Variants in CRYBG3 observed in about 807,000 individuals in gnomAD.
CRYBG3 encodes crystallin beta-gamma domain containing 3.
A neutral mutation model predicts 244.2 loss-of-function variants in CRYBG3; 127 were observed. That is an observed-to-expected ratio of 0.52 (90% confidence interval 0.45 to 0.60). CRYBG3 has a LOEUF of 0.60. Ranked by LOEUF, CRYBG3 falls within the 20% of genes least tolerant of loss-of-function variation. The pLI, the probability that CRYBG3 is intolerant of heterozygous loss-of-function variation, is 0.00. For synonymous variants in CRYBG3, 1,132 were observed against 1,195.8 expected (o/e 0.95, Z 1.10); for missense variants, 3,325 against 3,442.5 (o/e 0.97, Z 0.85).
chr3:97,868,564 C>T (rs569913221), intron 3 of CRYBG3, among the ~76,000 whole-genome samples: 1 of 152,190 alleles, frequency 6.6e-6, no homozygotes, highest in African/African-American at 2.4e-5. Flanking sequence ...TCCAGTGCAG[C>T]ATATTAGTTA....
Position 97,873,335 on chromosome 3 carries a change from G to C in CRYBG3, c.2141G>C (p.Arg714Thr). 2.0e-6 allele frequency: 3 copies of C among 1,535,992 alleles called. No individual in the cohort carries two copies. Among genetic ancestry groups the C allele is most frequent in the Non-Finnish European group, 2.6e-6 (3 of 1,146,832 alleles). ...AAAAACCATGTTGAGGCTGCAGGCAGGAAGAGTCCTCCTCCTTCCTTTTGC... is the reference window on the plus strand; with the variant it reads ...AAAAACCATGTTGAGGCTGCAGGCACGAAGAGTCCTCCTCCTTCCTTTTGC... The part of the protein sequence containing the change: ...NVKNHVEAAG[R>T]KSPPPSFCLE... The change falls in exon 4 of 22, where the codon AGG becomes ACG. Residue 714 changes from arginine to threonine, a missense_variant. Around this residue, in one of 4 missense-constraint regions of CRYBG3, gnomAD observed 1,526 missense variants for 1,443.2 expected, o/e 1.06. Transcript: ENST00000389622.
At chr3:97,856,413 A>G (rs1481759898) in intron 2 of CRYBG3, among the ~76,000 whole-genome samples, 1 of 152,192 alleles carries the variant, frequency 6.6e-6, no homozygotes, top group East Asian at 1.9e-4. Context: ...ATCAGCTGAC[A>G]GCATTAAGAG....
intron 17 of CRYBG3, 61 bp downstream of exon 17, chr3:97,915,797 C>A: frequency 3.2e-6 from 4 of 1,265,178 alleles, no homozygotes; most frequent in Admixed American, 2.1e-5. Flanking sequence ...TTAATTACCA[C>A]CAATGATAAT....
chr3:97,910,354 C>A (rs1256441051), intron 15 of CRYBG3, among the ~76,000 whole-genome samples: 1 of 152,232 alleles, frequency 6.6e-6, no homozygotes, highest in Non-Finnish European at 1.5e-5. Flanking sequence ...AGCCTGGCTG[C>A]CGCCTTGCAG....
chr3:97,939,133 ATTG>A (rs1275942936), intron 19 of CRYBG3, among the ~76,000 whole-genome samples: 1 of 151,944 alleles, frequency 6.6e-6, no homozygotes, highest in African/African-American at 2.4e-5. Context: ...GTCCCTGCCT[ATTG>A]TTCAAGATTG....
chr3:97,859,888 A>T (rs1291463953), intron 2 of CRYBG3, among the ~76,000 whole-genome samples: 1 of 152,158 alleles, frequency 6.6e-6, no homozygotes, highest in Non-Finnish European at 1.5e-5. Flanking sequence ...ATTAGAAATT[A>T]TATTGTTCTC....
chr3:97,864,317 C>A lies in CRYBG3; in HGVS notation c.317C>A (p.Ser106Ter). 2 of 1,535,872 alleles carry A rather than the reference C, an allele frequency of 1.3e-6. No individual in the cohort carries two copies. The highest frequency in any genetic ancestry group is 1.7e-6 in the Non-Finnish European group (2 of 1,146,758). ...GCATATGATCTTTCCAGTTCCACTT[C>A]AGATACCAAAATAGGAGAAAGTGAC... ...KKAYDLSSSTSDTKIGESDRQ... is the reference protein window; with the variant it reads ...KKAYDLSSST The change falls in exon 3 of 22, where the codon TCA becomes TAA. Residue 106 changes from serine (S) to a stop codon, truncating the protein, a stop_gained. Coordinates refer to ENST00000389622, the MANE Select transcript of CRYBG3 (RefSeq NM_153605.4). LOFTEE classifies it high-confidence loss of function.
chr3:97,886,564 G>A (rs1348143088), intron 7 of CRYBG3, 67 bp from the exon 8 acceptor site: 7 of 1,317,434 alleles, frequency 5.3e-6, no homozygotes, highest in Admixed American at 4.7e-5. Flanking sequence ...TGTATGTCCA[G>A]GACATTGAGA....
intron 19 of CRYBG3, among the ~76,000 whole-genome samples, chr3:97,940,680 C>T (rs1198057392): frequency 6.6e-6 from 1 of 151,986 alleles, no homozygotes; most frequent in Admixed American, 6.6e-5. Context: ...GCTACTAGTG[C>T]CCTCAGCTAT....
chr3:97,876,188 T>C lies in CRYBG3; in HGVS notation c.4994T>C (p.Val1665Ala), dbSNP rs2039369555. Residue 1665 changes from valine (V) to alanine (A), a missense_variant, in exon 4 of 22, where the codon GTA (valine) becomes GCA (alanine). Physicochemically the swap from Val to Ala is moderately conservative, Grantham distance 64 (BLOSUM62 0). Around this residue, in one of 4 missense-constraint regions of CRYBG3, gnomAD observed 635 missense variants for 771.7 expected, o/e 0.82. Coordinates refer to ENST00000389622, the MANE Select transcript of CRYBG3 (RefSeq NM_153605.4). ...AAGACTGAGATGACACCTGTTACAG[T>C]AGACATGGAAAATATTTACCAAACG... ...IVKTEMTPVT[V>A]DMENIYQTHA... 3 of 1,231,670 alleles carry C rather than the reference T, an allele frequency of 2.4e-6. No individual in the cohort carries two copies. Among genetic ancestry groups the C allele is most frequent in the Non-Finnish European group, 3.0e-6 (3 of 987,880 alleles). 76.3% of individuals were successfully genotyped at this position (1,231,670 alleles called of 1,614,324 possible).
At chr3:97,906,007 T>C (rs1027054725) in intron 15 of CRYBG3, among the ~76,000 whole-genome samples, 1 of 144,742 alleles carries the variant, frequency 6.9e-6, no homozygotes, top group Non-Finnish European at 1.5e-5. Context: ...AGGGAATCCT[T>C]TCCCCATTGC....
rs1226766716 is a variant in CRYBG3 at position 97,898,974 on chromosome 3, A to G, written c.7793A>G (p.Glu2598Gly). ...ACAAATCAGGAAATTTCTGATTTGG[A>G]AGAAATTGGCTTTGGCAGTAAAACA... ...DITNQEISDL[E>G]EIGFGSKTRS... The change falls in exon 13 of 22, where the codon GAA becomes GGA. Residue 2598 changes from glutamate to glycine, a missense_variant. Glu to Gly is a moderately conservative substitution (Grantham distance 98). Coordinates refer to ENST00000389622, the MANE Select transcript of CRYBG3 (RefSeq NM_153605.4). The G allele has an allele frequency of 6.2e-7, 1 of 1,613,314 alleles. No homozygotes were observed. The highest frequency in any genetic ancestry group is 2.2e-5 in the East Asian group (1 of 44,838).
At chr3:97,863,370 T>C (rs1433092434) in intron 2 of CRYBG3, among the ~76,000 whole-genome samples, 1 of 152,172 alleles carries the variant, frequency 6.6e-6, no homozygotes, top group African/African-American at 2.4e-5. Flanking sequence ...TTTTTCCTCA[T>C]ACAGAGTATG....
At position 97,876,967 on chromosome 3, in the gene CRYBG3, C is replaced by A. The variant is rs1239578974; in HGVS notation, c.5773C>A (p.Leu1925Ile). ...KEGLIAHENR[L>I]PTYFRGYESP... The stretch of plus-strand genomic sequence containing the variant: ...AGGCTTGATAGCACATGAAAATAGA[C>A]TTCCTACATATTTCAGGGGATATGA... The change falls in exon 4 of 22, where the codon CTT (leucine) becomes ATT (isoleucine). Residue 1925 changes from leucine (L) to isoleucine (I), a missense_variant. Coordinates refer to ENST00000389622, the MANE Select transcript of CRYBG3 (RefSeq NM_153605.4). The A allele has an allele frequency of 2.0e-6, 3 of 1,510,274 alleles. No homozygotes were observed. The highest frequency in any genetic ancestry group is 2.6e-6 in the Non-Finnish European group (3 of 1,132,950). 93.6% of individuals were successfully genotyped at this position (1,510,274 alleles called of 1,614,324 possible).
chr3:97,876,257 C>G lies in CRYBG3; in HGVS notation c.5063C>G (p.Ser1688Ter). 8.1e-7 allele frequency: 1 copy of G among 1,231,656 alleles called. No homozygotes were observed. The highest frequency in any genetic ancestry group is 1.0e-6 in the Non-Finnish European group (1 of 987,878). The allele number at this position is 1,231,656 out of a possible 1,614,324, so 76.3% of individuals were successfully genotyped here. The change falls in exon 4 of 22, where the codon TCA becomes TGA. Residue 1688 changes from serine to a stop codon, truncating the protein, a stop_gained. Transcript: ENST00000389622. LOFTEE classifies it high-confidence loss of function. ...GGCAAGACTGGGACGATAGCCTTGT[C>G]AGAAGTGGAAAATATCCACCAAAAA... ...DIGKTGTIALSEVENIHQKGG... is the reference protein window; with the variant it reads ...DIGKTGTIAL
At chr3:97,823,645 G>A (rs144042583) in intron 1 of CRYBG3, among the ~76,000 whole-genome samples, 5 of 152,334 alleles carry the variant, frequency 3.3e-5, no homozygotes, top group African/African-American at 2.4e-5. Flanking sequence ...CATCCAGGGT[G>A]TCAGCTAGTT....
At chr3:97,922,960 G>A (rs148912178) in intron 17 of CRYBG3, among the ~76,000 whole-genome samples, 1,905 of 152,178 alleles carry the variant, frequency 0.013, 25 homozygotes, top group Admixed American at 0.026. Flanking sequence ...AATGATAGAC[G>A]GGATTAAGAA....
chr3:97,920,142 T>G (rs1259002038), intron 17 of CRYBG3, among the ~76,000 whole-genome samples: 1 of 152,172 alleles, frequency 6.6e-6, no homozygotes, highest in Non-Finnish European at 1.5e-5. Context: ...TTATATTTAT[T>G]CAATCTAAAG....
chr3:97,874,323 T>C lies in CRYBG3; in HGVS notation c.3129T>C (p.Ser1043=). The change falls in exon 4 of 22, where the codon TCT becomes TCC. Residue 1043 remains serine (S), a synonymous_variant. Transcript: ENST00000389622. ...SVLKLEKKSS[S]YRKKENIHFL... is the part of the protein sequence containing the mutation. ...TGAAATTGGAAAAGAAATCCTCATC[T>C]TACAGAAAGAAAGAGAACATCCATT... 1 of 1,527,802 alleles carries C rather than the reference T, an allele frequency of 6.5e-7. No individual in the cohort carries two copies. 94.6% of individuals were successfully genotyped at this position (1,527,802 alleles called of 1,614,324 possible).
Sources: allele counts gnomAD v4.1 joint callset (sites outside exome capture counted in the v4.1 genomes callset), GRCh38; gene constraint gnomAD v4.1.1; regional missense constraint gnomAD v4.1.1; transcripts MANE v1.5; gene names NCBI Gene and HGNC (gene_info 2026-07-23, HGNC 2026-07-21).